SRGAP3: variants seen among roughly 807,000 people sequenced by gnomAD.
SRGAP3 encodes SLIT-ROBO Rho GTPase activating protein 3, also known as SLIT-ROBO Rho GTPase-activating protein 3.
In SRGAP3, 39 loss-of-function variants were observed where a neutral mutation model predicts 121.1. That is an observed-to-expected ratio of 0.32 (90% CI 0.25 to 0.42). The LOEUF is 0.42. Among genes scored for constraint, SRGAP3 ranks in the 10% least tolerant of loss-of-function variants. The pLI is 1.00. For synonymous variants in SRGAP3, 601 were observed against 570.0 expected (o/e 1.05, Z -0.77); for missense variants, 1,213 against 1,470.6 (o/e 0.82, Z 2.86).
intron 1 of SRGAP3, among the ~76,000 whole-genome samples, chr3:9,225,585 T>A (rs1476891386): frequency 6.6e-6 from 1 of 152,172 alleles, no homozygotes; most frequent in African/African-American, 2.4e-5. Context: ...AAAGCATTTC[T>A]GCTCCCACTC....
intron 1 of SRGAP3, among the ~76,000 whole-genome samples, chr3:9,187,351 G>C (rs370062545): frequency 1.6e-4 from 24 of 152,308 alleles, no homozygotes; most frequent in Admixed American, 1.0e-3. Flanking sequence ...AAGGGGCAGA[G>C]TGGTATTTCA....
At chr3:9,344,872 A>G (rs1481351234) in intron 1 of SRGAP3, among the ~76,000 whole-genome samples, 1 of 152,028 alleles carries the variant, frequency 6.6e-6, no homozygotes, top group Non-Finnish European at 1.5e-5. Flanking sequence ...CCCTGTCTCT[A>G]CTAAAAATAC....
At chr3:9,005,692 G>T (rs1371718332) in intron 18 of SRGAP3, among the ~76,000 whole-genome samples, 1 of 152,146 alleles carries the variant, frequency 6.6e-6, no homozygotes, top group Non-Finnish European at 1.5e-5. Context: ...TATATAAAAT[G>T]TCCAGAATAG....
At chr3:9,091,916 T>C (rs1490014348) in intron 3 of SRGAP3, among the ~76,000 whole-genome samples, 17 of 152,168 alleles carry the variant, frequency 1.1e-4, no homozygotes, top group Admixed American at 1.0e-3. Context: ...GAACTCCAAA[T>C]GTTGTCATCT....
chr3:9,216,279 A>G (rs1276290366), intron 1 of SRGAP3, among the ~76,000 whole-genome samples: 1 of 152,176 alleles, frequency 6.6e-6, no homozygotes, highest in Non-Finnish European at 1.5e-5. Context: ...ATCCCCCACA[A>G]GGGGAATACA....
chr3:9,056,356 T>C (rs1945822668), intron 7 of SRGAP3, 22 bp from the exon 8 acceptor site: 2 of 1,609,756 alleles, frequency 1.2e-6, no homozygotes, highest in Non-Finnish European at 1.7e-6. Flanking sequence ...ACAGCCACCA[T>C]CTGTGGTTGC....
At position 8,982,959 on chromosome 3, in the gene SRGAP3, T is replaced by G. The variant is rs1432707845; in HGVS notation, c.*2560A>C. ...CAAAATCAGTCAATTCAGAGAAAAA[T>G]CCACACGGTCTGATTGGTGTTATGT... On this transcript the variant is annotated 3_prime_UTR_variant, in exon 22 of 22. Transcript: ENST00000383836. 4.4e-6 allele frequency: 1 copy of G among 228,816 alleles called. No homozygotes were observed. Among genetic ancestry groups the G allele is most frequent in the Non-Finnish European group, 8.7e-6 (1 of 115,428 alleles). 14.2% of individuals were successfully genotyped at this position (228,816 alleles called of 1,614,324 possible).
intron 1 of SRGAP3, among the ~76,000 whole-genome samples, chr3:9,165,502 C>T (rs1950755483): frequency 6.6e-6 from 1 of 152,218 alleles, no homozygotes; most frequent in Admixed American, 6.5e-5. Context: ...TCTGTTTCTT[C>T]TGCTCTACTG....
At chr3:9,243,185 T>C (rs1346648836) in intron 1 of SRGAP3, among the ~76,000 whole-genome samples, 1 of 152,072 alleles carries the variant, frequency 6.6e-6, no homozygotes, top group African/African-American at 2.4e-5. Flanking sequence ...CTAGAAGAGT[T>C]TGGAAGGCAT....
At chr3:9,125,370 A>G (rs1241964731) in intron 1 of SRGAP3, among the ~76,000 whole-genome samples, 1 of 152,244 alleles carries the variant, frequency 6.6e-6, no homozygotes, top group Non-Finnish European at 1.5e-5. Context: ...AATTCTATCT[A>G]GAGACAATTG....
At chr3:9,228,115 G>A (rs1559227030) in intron 1 of SRGAP3, among the ~76,000 whole-genome samples, 1 of 152,052 alleles carries the variant, frequency 6.6e-6, no homozygotes, top group Non-Finnish European at 1.5e-5. Flanking sequence ...AACACATGTA[G>A]AAACCAGGCA....
chr3:9,019,129 A>C (rs1943785499), intron 14 of SRGAP3, among the ~76,000 whole-genome samples: 1 of 152,118 alleles, frequency 6.6e-6, no homozygotes, highest in Admixed American at 6.5e-5. Flanking sequence ...TCAACATTTG[A>C]CTTCTTTCCA....
chr3:9,323,771 C>T (rs574149844), intron 3 of SRGAP3, among the ~76,000 whole-genome samples: 10 of 149,016 alleles, frequency 6.7e-5, no homozygotes, highest in African/African-American at 2.5e-4. Flanking sequence ...AGTACAAATA[C>T]ACACAAATGT....
At chr3:9,154,970 C>T (rs1310870822) in intron 1 of SRGAP3, among the ~76,000 whole-genome samples, 1 of 151,176 alleles carries the variant, frequency 6.6e-6, no homozygotes, top group African/African-American at 2.4e-5. Context: ...AATCTCCAGG[C>T]TCAGAGGTGG....
intron 1 of SRGAP3, among the ~76,000 whole-genome samples, chr3:9,150,416 A>T (rs377163085): frequency 6.6e-6 from 1 of 151,998 alleles, no homozygotes; most frequent in Non-Finnish European, 1.5e-5. Flanking sequence ...CACTTTTTCC[A>T]TGTTTATTTT....
intron 1 of SRGAP3, among the ~76,000 whole-genome samples, chr3:9,347,162 C>CT (rs1177127864): frequency 6.6e-6 from 1 of 151,618 alleles, no homozygotes; most frequent in Non-Finnish European, 1.5e-5. Context: ...AACTCTGTTG[C>CT]TTTTTTTGTT....
chr3:9,253,936 C>A (rs1954070437), upstream of SRGAP3, among the ~76,000 whole-genome samples: 1 of 152,066 alleles, frequency 6.6e-6, no homozygotes, highest in Non-Finnish European at 1.5e-5. Flanking sequence ...TGTTTTATAA[C>A]CTCAAGTTAT....
intron 8 of SRGAP3, among the ~76,000 whole-genome samples, chr3:9,055,708 T>C (rs1261424273): frequency 2.0e-5 from 3 of 152,098 alleles, no homozygotes; most frequent in East Asian, 3.8e-4. Context: ...TTGCAGAAAA[T>C]AGAAGAAAGC....
At chr3:9,170,023 C>A (rs957207499) in intron 1 of SRGAP3, among the ~76,000 whole-genome samples, 1 of 152,164 alleles carries the variant, frequency 6.6e-6, no homozygotes, top group Non-Finnish European at 1.5e-5. Flanking sequence ...TAAAGTCAGA[C>A]AAGCCTGTGT....
Sources: allele counts gnomAD v4.1 joint callset (sites outside exome capture counted in the v4.1 genomes callset), GRCh38; gene constraint gnomAD v4.1.1; transcripts MANE v1.5; gene names NCBI Gene and HGNC (gene_info 2026-07-23, HGNC 2026-07-21).